The following STAU2 variants were observed in gnomAD, a reference collection of about 807,000 sequenced individuals.
STAU2 encodes the protein double-stranded RNA-binding protein Staufen homolog 2.
Under a neutral mutation model 65.9 loss-of-function variants are expected in STAU2, and 20 were observed. That is an observed-to-expected ratio of 0.30 (90% CI 0.21 to 0.44). The LOEUF is 0.44. Ranked by LOEUF, STAU2 falls within the 20% of genes least tolerant of loss-of-function variation. The pLI is 1.00. For synonymous variants in STAU2, 232 were observed against 233.9 expected (o/e 0.99, Z 0.07); for missense variants, 558 against 683.9 (o/e 0.82, Z 2.05).
At chr8:73,597,147 A>C (rs1241004739) in intron 10 of STAU2, among the ~76,000 whole-genome samples, 1 of 152,150 alleles carries the variant, frequency 6.6e-6, no homozygotes, top group African/African-American at 2.4e-5. Context: ...AATACAAAAC[A>C]AAGTACAATA....
At chr8:73,549,075 T>A (rs1807139551) in intron 13 of STAU2, among the ~76,000 whole-genome samples, 2 of 152,186 alleles carry the variant, frequency 1.3e-5, no homozygotes, top group Non-Finnish European at 2.9e-5. Flanking sequence ...TTTAAAAAGC[T>A]GAATGATTTT....
intron 6 of STAU2, among the ~76,000 whole-genome samples, chr8:73,671,571 T>C (rs1189223126): frequency 6.6e-6 from 1 of 151,990 alleles, no homozygotes; most frequent in Non-Finnish European, 1.5e-5. Context: ...CTTATAGTAA[T>C]ATAAGGAAGG....
At chr8:73,741,854 A>G (rs1308299612) in intron 1 of STAU2, among the ~76,000 whole-genome samples, 1 of 152,194 alleles carries the variant, frequency 6.6e-6, no homozygotes, top group Non-Finnish European at 1.5e-5. Context: ...TATTCCATGA[A>G]GTAACAAAAA....
At chr8:73,593,542 C>T (rs1174414225) in intron 11 of STAU2, among the ~76,000 whole-genome samples, 2 of 152,136 alleles carry the variant, frequency 1.3e-5, no homozygotes, top group Non-Finnish European at 2.9e-5. Flanking sequence ...GTCAACTTCT[C>T]TGGGCCACAG....
At chr8:73,500,232 T>C (rs775361718) in intron 13 of STAU2, among the ~76,000 whole-genome samples, 15 of 151,938 alleles carry the variant, frequency 9.9e-5, no homozygotes, top group Non-Finnish European at 1.5e-5. Flanking sequence ...CAAAATGGCA[T>C]AGTATTTGCA....
chr8:73,486,275 T>A (rs1203212743), intron 13 of STAU2, among the ~76,000 whole-genome samples: 1 of 152,066 alleles, frequency 6.6e-6, no homozygotes, highest in Non-Finnish European at 1.5e-5. Context: ...GTAACTAAAT[T>A]GATTCATTAA....
intron 13 of STAU2, among the ~76,000 whole-genome samples, chr8:73,486,042 C>A (rs940427605): frequency 1.3e-5 from 2 of 152,082 alleles, no homozygotes; most frequent in African/African-American, 4.8e-5. Flanking sequence ...GGCTTCTTCT[C>A]TTAAGGAGTC....
upstream of STAU2, chr8:73,747,378 C>A (rs1476421167): frequency 6.5e-7 from 1 of 1,535,348 alleles, no homozygotes; most frequent in African/African-American, 1.4e-5. Context: ...TCTGATTCCC[C>A]GCTCGTACCT....
At chr8:73,630,689 C>A (rs941552714) in intron 6 of STAU2, among the ~76,000 whole-genome samples, 4 of 152,168 alleles carry the variant, frequency 2.6e-5, no homozygotes, top group African/African-American at 9.7e-5. Flanking sequence ...GCTTTGATGA[C>A]ATATTACTCC....
intron 6 of STAU2, among the ~76,000 whole-genome samples, chr8:73,664,454 TTAAGA>T: frequency 6.6e-6 from 1 of 152,338 alleles, no homozygotes; most frequent in African/African-American, 2.4e-5. Context: ...CTTTATCAGA[TTAAGA>T]AAGTTCTCTT....
chr8:73,498,433 A>G (rs749149924), intron 13 of STAU2, among the ~76,000 whole-genome samples: 54 of 151,700 alleles, frequency 3.6e-4, no homozygotes, highest in Non-Finnish European at 6.9e-4. Flanking sequence ...AAATAAATAC[A>G]CTATACATTT....
intron 4 of STAU2, 52 bp downstream of exon 4, chr8:73,708,980 T>C: frequency 2.1e-6 from 3 of 1,415,828 alleles, no homozygotes; most frequent in Non-Finnish European, 2.8e-6. Flanking sequence ...TCTGAGATGA[T>C]AAATCTGTTA....
chr8:73,739,613 A>C (rs1348000123), intron 2 of STAU2, 143 bp downstream of exon 2: 4 of 642,992 alleles, frequency 6.2e-6, no homozygotes, highest in Middle Eastern at 4.8e-4. Flanking sequence ...TATTTTTCTT[A>C]CAATAGTGTC....
At chr8:73,566,315 T>C (rs1808606596) in intron 12 of STAU2, among the ~76,000 whole-genome samples, 1 of 152,226 alleles carries the variant, frequency 6.6e-6, no homozygotes, top group Admixed American at 6.5e-5. Flanking sequence ...TCAAGTAATG[T>C]AGATGGCTGT....
chr8:73,720,007 T>A (rs1821527041), intron 3 of STAU2, among the ~76,000 whole-genome samples: 1 of 152,198 alleles, frequency 6.6e-6, no homozygotes, highest in Non-Finnish European at 1.5e-5. Flanking sequence ...GGGCTAGGCA[T>A]GATAGCTCAT....
rs1327472197 is a variant in STAU2 at position 73,673,061 on chromosome 8, T to C, written c.410+46A>G. On this transcript the variant is annotated intron_variant, in intron 6 of 14. Coordinates refer to ENST00000524300, the MANE Select transcript of STAU2 (RefSeq NM_001164380.2). ...TTGAGTGTGAGAAACTTTTATAACA[T>C]GGATAAAATAATAATTAAGAACAAA... The C allele has an allele frequency of 2.8e-6, 4 of 1,448,710 alleles. No homozygotes were observed. The African/African-American group carries it at 4.3e-5, about 15-fold the overall frequency. 89.7% of individuals were successfully genotyped at this position (1,448,710 alleles called of 1,614,324 possible). A position where few individuals can be genotyped will look rare whatever the true frequency, so the allele number is the denominator to read the frequency against.
intron 3 of STAU2, among the ~76,000 whole-genome samples, chr8:73,717,995 C>T (rs940832903): frequency 2.0e-5 from 3 of 152,108 alleles, no homozygotes; most frequent in Non-Finnish European, 2.9e-5. Flanking sequence ...AGTATTCCAA[C>T]CCATGAAAAG....
At chr8:73,592,218 TGAACA>T (rs1431119222) in intron 11 of STAU2, among the ~76,000 whole-genome samples, 1 of 150,152 alleles carries the variant, frequency 6.7e-6, no homozygotes, top group African/African-American at 2.5e-5. Context: ...CTAGCTAAAC[TGAACA>T]GAAGAAAAAG....
chr8:73,727,351 C>A (rs1805716054), intron 3 of STAU2, among the ~76,000 whole-genome samples: 1 of 152,224 alleles, frequency 6.6e-6, no homozygotes, highest in African/African-American at 2.4e-5. Flanking sequence ...AAAGGGAATT[C>A]AACACCCATT....
Sources: allele counts gnomAD v4.1 joint callset (sites outside exome capture counted in the v4.1 genomes callset), GRCh38; gene constraint gnomAD v4.1.1; transcripts MANE v1.5; gene names NCBI Gene and HGNC (gene_info 2026-07-23, HGNC 2026-07-21).